Variants in CHRM3 observed in about 807,000 individuals in gnomAD.
CHRM3 encodes the protein muscarinic acetylcholine receptor M3.
A neutral mutation model predicts 41.8 loss-of-function variants in CHRM3; 11 were observed. The ratio of observed to expected loss-of-function variants is 0.26; its 90% CI spans 0.17 to 0.44. The LOEUF is 0.44. Among genes scored for constraint, CHRM3 ranks in the 20% least tolerant of loss-of-function variants. The probability of loss-of-function intolerance (pLI) is 1.00; values close to 1 mark genes in which losing one functional copy is unlikely to be tolerated. For synonymous variants in CHRM3, 297 were observed against 301.4 expected, an observed-to-expected ratio of 0.99 and a Z score of 0.15; for missense variants, 571 against 745.4, an observed-to-expected ratio of 0.77 and a Z score of 2.72.
intron 5 of CHRM3, among the ~76,000 whole-genome samples, chr1:239,729,338 GA>G (rs911455508): frequency 2.6e-5 from 4 of 151,734 alleles, no homozygotes; most frequent in African/African-American, 7.2e-5. Flanking sequence ...GTGATGAAGG[GA>G]AAAAAAATCC....
intron 5 of CHRM3, among the ~76,000 whole-genome samples, chr1:239,785,888 A>G (rs1311703940): frequency 6.6e-6 from 1 of 152,198 alleles, no homozygotes; most frequent in African/African-American, 2.4e-5. Context: ...GGAAGGGACC[A>G]GAATTATTTT....
chr1:239,881,440 A>C (rs1043993148), intron 6 of CHRM3, among the ~76,000 whole-genome samples: 3 of 152,098 alleles, frequency 2.0e-5, no homozygotes, highest in African/African-American at 7.2e-5. Flanking sequence ...GGAAAGAAGA[A>C]AACAAAATGG....
At chr1:239,456,205 C>T (rs937513684) in intron 1 of CHRM3, among the ~76,000 whole-genome samples, 1 of 152,174 alleles carries the variant, frequency 6.6e-6, no homozygotes, top group African/African-American at 2.4e-5. Flanking sequence ...GGGTCAATTT[C>T]TATGATTATT....
intron 2 of CHRM3, among the ~76,000 whole-genome samples, chr1:239,506,844 C>G (rs1243960397): frequency 6.6e-6 from 1 of 152,176 alleles, no homozygotes; most frequent in Non-Finnish European, 1.5e-5. Context: ...GAACCCACCT[C>G]TTGCATCAGC....
At chr1:239,772,938 A>G (rs572863496) in intron 5 of CHRM3, among the ~76,000 whole-genome samples, 2 of 152,264 alleles carry the variant, frequency 1.3e-5, no homozygotes, top group Admixed American at 1.3e-4. Flanking sequence ...GTCTTCAAGC[A>G]AGGATGTTGT....
intron 1 of CHRM3, among the ~76,000 whole-genome samples, chr1:239,451,870 G>T (rs1664580162): frequency 6.6e-6 from 1 of 151,910 alleles, no homozygotes; most frequent in South Asian, 2.1e-4. Flanking sequence ...CTCTATTTTA[G>T]AAAACCTATT....
chr1:239,417,944 T>C (rs570110076), intron 1 of CHRM3, among the ~76,000 whole-genome samples: 1 of 152,360 alleles, frequency 6.6e-6, no homozygotes, highest in Non-Finnish European at 1.5e-5. Context: ...TGCTTCTGAA[T>C]TAAAAACTGT....
chr1:239,662,484 A>G (rs1400203043), intron 4 of CHRM3, among the ~76,000 whole-genome samples: 1 of 152,180 alleles, frequency 6.6e-6, no homozygotes, highest in Non-Finnish European at 1.5e-5. Flanking sequence ...CACCCTATTC[A>G]AATTTTGATA....
At chr1:239,618,843 GA>G (rs1174760989) in intron 3 of CHRM3, among the ~76,000 whole-genome samples, 25,274 of 76,746 alleles carry the variant, frequency 0.33, 2,976 homozygotes, top group Non-Finnish European at 0.36. Context: ...GACTCTGTCA[GA>G]AAAAAAAAAA....
intron 6 of CHRM3, among the ~76,000 whole-genome samples, chr1:239,850,601 C>G (rs1422992994): frequency 6.6e-6 from 1 of 152,164 alleles, no homozygotes; most frequent in African/African-American, 2.4e-5. Context: ...GCTCTGTCTC[C>G]CCACCCAAAT....
intron 5 of CHRM3, among the ~76,000 whole-genome samples, chr1:239,753,969 G>T (rs1304299140): frequency 6.6e-6 from 1 of 152,112 alleles, no homozygotes; most frequent in Non-Finnish European, 1.5e-5. Flanking sequence ...TAGAAGTCTC[G>T]GATGGTAGGT....
chr1:239,747,739 A>G (rs1044987932), intron 5 of CHRM3, among the ~76,000 whole-genome samples: 1 of 152,218 alleles, frequency 6.6e-6, no homozygotes. Flanking sequence ...TATTAGAAAC[A>G]TAGATGCTTA....
chr1:239,801,853 C>G (rs1670245939), intron 5 of CHRM3, among the ~76,000 whole-genome samples: 1 of 152,072 alleles, frequency 6.6e-6, no homozygotes, highest in South Asian at 2.1e-4. Flanking sequence ...GCTTTTGTAG[C>G]ATTTCCCCAC....
At chr1:239,589,377 C>T (rs1473634480) in intron 3 of CHRM3, among the ~76,000 whole-genome samples, 1 of 151,660 alleles carries the variant, frequency 6.6e-6, no homozygotes, top group African/African-American at 2.4e-5. Context: ...AGACATCTTT[C>T]TGCCAAAGAT....
At chr1:239,865,537 G>A (rs1676019064) in intron 6 of CHRM3, among the ~76,000 whole-genome samples, 1 of 152,160 alleles carries the variant, frequency 6.6e-6, no homozygotes, top group Non-Finnish European at 1.5e-5. Flanking sequence ...TAGCAAGAGG[G>A]GCCCTGTCAG....
At chr1:239,388,763 C>T (rs926584837) in intron 1 of CHRM3, among the ~76,000 whole-genome samples, 1 of 152,196 alleles carries the variant, frequency 6.6e-6, no homozygotes, top group African/African-American at 2.4e-5. Context: ...AAGGAACATG[C>T]CTGCTTCTTC....
intron 6 of CHRM3, among the ~76,000 whole-genome samples, chr1:239,884,471 G>C (rs893281086): frequency 6.6e-6 from 1 of 152,178 alleles, no homozygotes; most frequent in Non-Finnish European, 1.5e-5. Context: ...AGAACTGTGA[G>C]AGAATCCATT....
At chr1:239,558,119 T>C (rs1191029572) in intron 3 of CHRM3, among the ~76,000 whole-genome samples, 1 of 152,226 alleles carries the variant, frequency 6.6e-6, no homozygotes, top group Non-Finnish European at 1.5e-5. Flanking sequence ...AAAGCATTCC[T>C]ATTTCTCTGC....
intron 6 of CHRM3, among the ~76,000 whole-genome samples, chr1:239,850,476 G>A (rs1321867153): frequency 6.6e-6 from 1 of 152,108 alleles, no homozygotes; most frequent in Non-Finnish European, 1.5e-5. Flanking sequence ...ATAGACCCAG[G>A]CAGTCAAACC....
Sources: gnomAD v4.1 joint callset for allele counts (sites outside exome capture counted in the v4.1 genomes callset) on GRCh38, gnomAD v4.1.1 for gene constraint, MANE v1.5 for transcripts, NCBI Gene and HGNC (gene_info 2026-07-23, HGNC 2026-07-21) for gene names.